Variants in HHIPL1 observed in about 807,000 individuals in gnomAD.
The protein encoded by HHIPL1 is HHIP-like protein 1.
In HHIPL1, 43 loss-of-function variants were observed where a neutral mutation model predicts 61.8. The ratio of observed to expected loss-of-function variants is 0.70; its 90% CI spans 0.55 to 0.90. The LOEUF (loss-of-function observed/expected upper bound fraction) is 0.90, where lower values mean the gene tolerates loss of function less well. Ranked by LOEUF, HHIPL1 falls within the 40% of genes least tolerant of loss-of-function variation. The pLI, the probability that HHIPL1 is intolerant of heterozygous loss-of-function variation, is 0.00. For synonymous variants in HHIPL1, 482 were observed against 515.8 expected, an observed-to-expected ratio of 0.93 and a Z score of 0.89; for missense variants, 1,056 against 1,157.7, an observed-to-expected ratio of 0.91 and a Z score of 1.28.
the HHIPL1 span, among the ~76,000 whole-genome samples, chr14:99,617,355 G>GT: frequency 6.6e-6 from 1 of 152,196 alleles, no homozygotes; most frequent in African/African-American, 2.4e-5. Context: ...GGAGGCGGGA[G>GT]TGGGAGGGTT....
At chr14:99,656,850 AGGAAGGAAGGAAGGAAGGAAGGAAGG>A (rs1566809991) in intron 2 of HHIPL1, 124 bp from the exon 3 acceptor site, 1,176 of 32,090 alleles carry the variant, frequency 0.037, 203 homozygotes, top group Middle Eastern at 0.053. Flanking sequence ...GAAGGAAGGA[AGGAAGGAAGGAAGGAAGGAAGGAAGG>A]AAGGAAGGAA....
chr14:99,633,065 G>A, the HHIPL1 span, among the ~76,000 whole-genome samples: 1 of 152,066 alleles, frequency 6.6e-6, no homozygotes, highest in Non-Finnish European at 1.5e-5. Flanking sequence ...GAGAGACAGA[G>A]GCGCCTCCCA....
the HHIPL1 span, among the ~76,000 whole-genome samples, chr14:99,613,335 A>AT: frequency 8.0e-5 from 12 of 149,726 alleles, no homozygotes; most frequent in Non-Finnish European, 1.3e-4. Context: ...TTTTTAATTA[A>AT]TTTTTTTTTA....
chr14:99,651,543 AC>A (rs759464198), intron 1 of HHIPL1, among the ~76,000 whole-genome samples: 4 of 152,320 alleles, frequency 2.6e-5, no homozygotes, highest in South Asian at 4.1e-4. Flanking sequence ...ATGGTACTAA[AC>A]TAAACCATGC....
At chr14:99,641,068 G>T (rs558255962), upstream of HHIPL1, among the ~76,000 whole-genome samples, 3 of 151,726 alleles carry the variant, frequency 2.0e-5, no homozygotes, top group East Asian at 5.9e-4. Context: ...TGTATTTTTA[G>T]TGGAGACTGG....
the HHIPL1 span, among the ~76,000 whole-genome samples, chr14:99,629,007 G>C: frequency 6.6e-6 from 1 of 152,206 alleles, no homozygotes; most frequent in Non-Finnish European, 1.5e-5. Flanking sequence ...CAGCAAGACC[G>C]GCGGCACCAA....
chr14:99,675,109 G>A lies in HHIPL1; in HGVS notation c.1832G>A (p.Arg611Gln). Residue 611 changes from arginine (R) to glutamine (Q), a missense_variant, in exon 9 of 9, where the codon CGG becomes CAG. Coordinates refer to ENST00000330710, the MANE Select transcript of HHIPL1 (RefSeq NM_001127258.3). The surrounding 1 kb of genome is among the most constrained non-coding windows in gnomAD (Gnocchi z 5.4). The stretch of plus-strand genomic sequence containing the variant: ...TGCGCAGAGTTCATCCCGAAGACAC[G>A]GAGCACCCCGCGGCCTACAGCGCGG... Reference protein sequence around the residue: ...VPKEKFIPKTRSTPRPTARAP... With the variant: ...VPKEKFIPKTQSTPRPTARAP... The A allele has an allele frequency of 8.6e-7, 1 of 1,166,384 alleles. No homozygotes were observed. Among genetic ancestry groups the A allele is most frequent in the Non-Finnish European group, 1.1e-6 (1 of 933,936 alleles). The allele number at this position is 1,166,384 out of a possible 1,614,324, so 72.3% of individuals were successfully genotyped here. A position where few individuals can be genotyped will look rare whatever the true frequency, so the allele number is the denominator to read the frequency against.
intron 6 of HHIPL1, 37 bp downstream of exon 6, chr14:99,663,058 G>T (rs761820698): frequency 1.9e-6 from 3 of 1,559,980 alleles, no homozygotes; most frequent in South Asian, 2.5e-5. Flanking sequence ...CTGGTTGCTC[G>T]TGCCTGGGAC....
intron 2 of HHIPL1, 108 bp downstream of exon 2, chr14:99,652,978 AC>A (rs1203104025): frequency 9.0e-7 from 1 of 1,109,776 alleles, no homozygotes; most frequent in Non-Finnish European, 1.3e-6. Context: ...TATTTAACAC[AC>A]CTGGTGGGGG....
chr14:99,631,123 TTTC>T, the HHIPL1 span, among the ~76,000 whole-genome samples: 21 of 150,334 alleles, frequency 1.4e-4, no homozygotes, highest in African/African-American at 4.5e-4. Flanking sequence ...TCTTTCTTTC[TTTC>T]TTTTTTTTTT....
intron 4 of HHIPL1, 100 bp downstream of exon 4, chr14:99,659,856 C>CT (rs1321094721): frequency 5.8e-6 from 3 of 520,872 alleles, no homozygotes; most frequent in Non-Finnish European, 5.6e-6. Context: ...ACCCCCCCCC[C>CT]CCCGGAGATC....
At chr14:99,619,587 C>A in the HHIPL1 span, among the ~76,000 whole-genome samples, 1 of 152,094 alleles carries the variant, frequency 6.6e-6, no homozygotes, top group African/African-American at 2.4e-5. Flanking sequence ...GGGTCCCCTA[C>A]CTAGAGATGG....
the HHIPL1 span, among the ~76,000 whole-genome samples, chr14:99,626,391 G>A: frequency 4.6e-5 from 7 of 152,158 alleles, no homozygotes; most frequent in African/African-American, 1.4e-4. Context: ...ATCTTGTTCT[G>A]CTCTGTCCTG....
chr14:99,659,851 C>CCCA, intron 4 of HHIPL1, 95 bp downstream of exon 4: 1 of 551,520 alleles, frequency 1.8e-6, no homozygotes, highest in Non-Finnish European at 2.7e-6. Context: ...ACCGCACCCC[C>CCCA]CCCCCCCCGG....
Position 99,659,496 on chromosome 14 carries a change from T to A in HHIPL1, c.1115T>A (p.Ile372Asn). 6.5e-7 allele frequency: 1 copy of A among 1,539,682 alleles called. No individual in the cohort carries two copies. ...AAGGAGCGCGGCCTGCCCTACGGCA[T>A]CCCGCCCGACAACCCGTTCGTGGGC... ...DRKERGLPYGIPPDNPFVGDP... is the reference protein window; with the variant it reads ...DRKERGLPYGNPPDNPFVGDP... Residue 372 changes from isoleucine (I) to asparagine (N), a missense_variant, in exon 4 of 9, where the codon ATC (isoleucine) becomes AAC (asparagine). By Grantham distance (149) the Ile-to-Asn change is moderately radical. Coordinates refer to ENST00000330710, the MANE Select transcript of HHIPL1 (RefSeq NM_001127258.3).
intron 2 of HHIPL1, 29 bp downstream of exon 2, chr14:99,652,899 G>T (rs1462148730): frequency 6.3e-7 from 1 of 1,599,370 alleles, no homozygotes; most frequent in East Asian, 2.2e-5. Context: ...CCGGGCCTGG[G>T]TGGGGGCAGG....
chr14:99,642,220 A>G (rs965233266), upstream of HHIPL1, among the ~76,000 whole-genome samples: 11 of 152,150 alleles, frequency 7.2e-5, no homozygotes, highest in African/African-American at 2.2e-4. Flanking sequence ...GATTACAGGC[A>G]TGAGCCACTG....
chr14:99,612,922 C>T, the HHIPL1 span, among the ~76,000 whole-genome samples: 1 of 152,200 alleles, frequency 6.6e-6, no homozygotes, highest in Non-Finnish European at 1.5e-5. Flanking sequence ...CTGGCCCTAC[C>T]CTGCCCTGAC....
the HHIPL1 span, among the ~76,000 whole-genome samples, chr14:99,615,583 GAAGA>G: frequency 3.2e-3 from 456 of 142,908 alleles, no homozygotes; most frequent in Non-Finnish European, 4.9e-3. Context: ...TAAAAGAAAA[GAAGA>G]AAGAAAGAGA....
Sources: allele counts gnomAD v4.1 joint callset (sites outside exome capture counted in the v4.1 genomes callset), GRCh38; gene constraint gnomAD v4.1.1; non-coding constraint Gnocchi (gnomAD v3.1); transcripts MANE v1.5; gene names NCBI Gene and HGNC (gene_info 2026-07-23, HGNC 2026-07-21).